LHFPL2: variants seen among roughly 807,000 people sequenced by gnomAD.
LHFPL2 encodes LHFPL tetraspan subfamily member 2 protein.
Under a neutral mutation model 17.5 loss-of-function variants are expected in LHFPL2, and 7 were observed. That is an observed-to-expected ratio of 0.40 (90% CI 0.23 to 0.75). The LOEUF (loss-of-function observed/expected upper bound fraction) is 0.75, where lower values mean the gene tolerates loss of function less well. Among genes scored for constraint, LHFPL2 ranks in the 30% least tolerant of loss-of-function variants. The pLI, the probability that LHFPL2 is intolerant of heterozygous loss-of-function variation, is 0.37. For missense variants in LHFPL2, 241 were observed against 294.8 expected (o/e 0.82, Z 1.34); for synonymous variants, 134 against 116.2 (o/e 1.15, Z -0.99).
intron 2 of LHFPL2, among the ~76,000 whole-genome samples, chr5:78,566,469 C>CTT (rs577298735): frequency 1.1e-4 from 16 of 148,018 alleles, no homozygotes; most frequent in South Asian, 4.3e-4. Context: ...GAAACTAAGA[C>CTT]TTTTTTTTTT....
chr5:78,508,227 G>C (rs1754993949), intron 4 of LHFPL2, among the ~76,000 whole-genome samples: 1 of 152,158 alleles, frequency 6.6e-6, no homozygotes, highest in Admixed American at 6.5e-5. Flanking sequence ...AGAACACTGA[G>C]ACCCGGGGTG....
intron 4 of LHFPL2, among the ~76,000 whole-genome samples, chr5:78,502,561 T>C (rs767165437): frequency 6.6e-6 from 1 of 152,212 alleles, no homozygotes; most frequent in South Asian, 2.1e-4. Context: ...ACGTTCTCCA[T>C]AAGTTATTCA....
intron 2 of LHFPL2, among the ~76,000 whole-genome samples, chr5:78,590,634 T>C (rs1743593942): frequency 6.6e-6 from 1 of 152,190 alleles, no homozygotes; most frequent in Admixed American, 6.5e-5. Context: ...TCTATGATGT[T>C]ACTCTTGGAT....
At chr5:78,557,634 G>A (rs1481772560) in intron 3 of LHFPL2, among the ~76,000 whole-genome samples, 2 of 152,202 alleles carry the variant, frequency 1.3e-5, no homozygotes, top group Non-Finnish European at 2.9e-5. Context: ...ATTAACAACA[G>A]GAAGTGTCCA....
At chr5:78,555,234 G>A (rs1244278367) in intron 3 of LHFPL2, among the ~76,000 whole-genome samples, 1 of 152,194 alleles carries the variant, frequency 6.6e-6, no homozygotes, top group African/African-American at 2.4e-5. Context: ...TTCTAGGCAT[G>A]TTTTGATTTA....
intron 3 of LHFPL2, among the ~76,000 whole-genome samples, chr5:78,550,892 T>C (rs1580799849): frequency 6.6e-6 from 1 of 152,194 alleles, no homozygotes; most frequent in African/African-American, 2.4e-5. Context: ...TTTATTCTCA[T>C]ATTGGACAGA....
In LHFPL2 at chr5:78,529,834, A is replaced by G. The variant is rs1755729000; in HGVS notation, c.-185-19436T>C. Among the ~76,000 whole-genome samples, 3 of 152,384 alleles carry G rather than the reference A, an allele frequency of 2.0e-5. No homozygotes were observed. The South Asian group carries it at 6.2e-4, about 32-fold the overall frequency. On this transcript the variant is annotated intron_variant, in intron 3 of 4. Coordinates refer to ENST00000380345, the MANE Select transcript of LHFPL2 (RefSeq NM_005779.3). Reference sequence around the variant, plus strand: ...TTATAAAAGCATCAGGGTGTGAATCATACCCACAAAATGTTTTTTAATATC... The same window carrying G: ...TTATAAAAGCATCAGGGTGTGAATCGTACCCACAAAATGTTTTTTAATATC...
chr5:78,635,220 G>T (rs2112519019), intron 1 of LHFPL2, among the ~76,000 whole-genome samples: 1 of 152,294 alleles, frequency 6.6e-6, no homozygotes, highest in Admixed American at 6.5e-5. Context: ...GTTTCTTTTT[G>T]CCAGCCAGAG....
rs1744457141 is a variant in LHFPL2, at chr5:78,612,522, G to T, written c.-245+19742C>A. On this transcript the variant is annotated intron_variant, in intron 2 of 4. Transcript: ENST00000380345. ...AGAGTTTGCTATAAAAGTTCATTGG[G>T]CATGAAAACTTGGCTCAGTTATTCA... Among the ~76,000 whole-genome samples, 6 of 152,294 alleles carry T rather than the reference G, an allele frequency of 3.9e-5. No individual in the cohort carries two copies. The South Asian group carries it at 1.2e-3, about 32-fold the overall frequency.
chr5:78,547,393 T>C (rs1210880550), intron 3 of LHFPL2, among the ~76,000 whole-genome samples: 2 of 152,220 alleles, frequency 1.3e-5, no homozygotes, highest in East Asian at 3.8e-4. Context: ...AGCAATGTCC[T>C]AGGACCACAG....
In LHFPL2 at chr5:78,576,918, A is replaced by T. The variant is rs1757148723; in HGVS notation, c.-244-12047T>A. On this transcript the variant is annotated intron_variant, in intron 2 of 4. Transcript: ENST00000380345. The stretch of plus-strand genomic sequence containing the variant: ...ATTTTATAGATCATTTAAAGCCAGC[A>T]AACTTGATCATTGGCAATGCAATAG... Among the ~76,000 whole-genome samples, 4 of 152,236 alleles carry T rather than the reference A, an allele frequency of 2.6e-5. No homozygotes were observed. The South Asian group carries it at 6.2e-4, about 24-fold the overall frequency.
chr5:78,516,807 T>C (rs1400141799), intron 3 of LHFPL2, among the ~76,000 whole-genome samples: 1 of 152,206 alleles, frequency 6.6e-6, no homozygotes, highest in African/African-American at 2.4e-5. Context: ...CTCAGAACCT[T>C]GTGCCCTTGA....
intron 3 of LHFPL2, among the ~76,000 whole-genome samples, chr5:78,559,150 T>TGGTG (rs2112406796): frequency 6.6e-6 from 1 of 152,334 alleles, no homozygotes; most frequent in Admixed American, 6.5e-5. Flanking sequence ...GCTGCTCCAG[T>TGGTG]GGTGCCTTCT....
intron 4 of LHFPL2, among the ~76,000 whole-genome samples, chr5:78,495,728 A>G (rs144432986): frequency 1.3e-5 from 2 of 152,300 alleles, no homozygotes; most frequent in East Asian, 1.9e-4. Context: ...ACAGCAGACA[A>G]TTGACAGCAG....
intron 4 of LHFPL2, among the ~76,000 whole-genome samples, chr5:78,506,640 G>A (rs1452149721): frequency 6.6e-6 from 1 of 152,220 alleles, no homozygotes; most frequent in African/African-American, 2.4e-5. Context: ...ACATTGGCTT[G>A]ATGTGCATGA....
At chr5:78,636,851 CAAGAT>C (rs1160310683) in intron 1 of LHFPL2, among the ~76,000 whole-genome samples, 1 of 152,024 alleles carries the variant, frequency 6.6e-6, no homozygotes, top group Admixed American at 6.6e-5. Flanking sequence ...TGGCTCCATC[CAAGAT>C]AAGAGCCTCT....
chr5:78,517,922 C>T (rs954009234), intron 3 of LHFPL2, among the ~76,000 whole-genome samples: 1 of 152,164 alleles, frequency 6.6e-6, no homozygotes, highest in African/African-American at 2.4e-5. Flanking sequence ...TACAAATGTC[C>T]TCATCTAAAA....
chr5:78,592,565 C>T (rs1006436340), intron 2 of LHFPL2, among the ~76,000 whole-genome samples: 2 of 152,152 alleles, frequency 1.3e-5, no homozygotes, highest in African/African-American at 4.8e-5. Flanking sequence ...TTCACTTCCA[C>T]TTTCATCTAC....
At chr5:78,552,844 A>C (rs1487915666) in intron 3 of LHFPL2, among the ~76,000 whole-genome samples, 1 of 152,224 alleles carries the variant, frequency 6.6e-6, no homozygotes, top group African/African-American at 2.4e-5. Flanking sequence ...TTTCTCCTTC[A>C]ACAAAGCGTC....
Sources: gnomAD v4.1 joint callset for allele counts (sites outside exome capture counted in the v4.1 genomes callset) on GRCh38, gnomAD v4.1.1 for gene constraint, MANE v1.5 for transcripts, NCBI Gene and HGNC (gene_info 2026-07-23, HGNC 2026-07-21) for gene names.